The following DIP2B variants were observed in gnomAD, a reference collection of about 807,000 sequenced individuals.
DIP2B encodes disco-interacting protein 2 homolog B.
DIP2B carries 76 observed loss-of-function variants against 198.0 expected under a neutral mutation model. That is an observed-to-expected ratio of 0.38 (90% CI 0.32 to 0.46). The LOEUF (loss-of-function observed/expected upper bound fraction) is 0.46. Ranked by LOEUF, DIP2B falls within the 20% of genes least tolerant of loss-of-function variation. The probability of loss-of-function intolerance (pLI) is 0.99; values close to 1 mark genes in which losing one functional copy is unlikely to be tolerated. For synonymous variants in DIP2B, 701 were observed against 739.1 expected (o/e 0.95, Z 0.84); for missense variants, 1,559 against 1,978.4 (o/e 0.79, Z 4.02).
chr12:50,505,306 C>A, intron 1 of DIP2B, 66 bp downstream of exon 1: 1 of 1,297,354 alleles, frequency 7.7e-7, no homozygotes, highest in Non-Finnish European at 1.0e-6. Context: ...GGAGACAGGT[C>A]CCCGCCGCGC....
chr12:50,708,150 A>G (rs996716808), intron 21 of DIP2B, among the ~76,000 whole-genome samples: 4 of 151,870 alleles, frequency 2.6e-5, no homozygotes, highest in Admixed American at 6.6e-5. Flanking sequence ...GTATATTGCA[A>G]CATGGCATTA....
At chr12:50,554,038 AAG>A (rs780149148) in intron 1 of DIP2B, among the ~76,000 whole-genome samples, 12 of 152,264 alleles carry the variant, frequency 7.9e-5, no homozygotes, top group Non-Finnish European at 1.6e-4. Flanking sequence ...ACGTATTTGA[AAG>A]AGGCAAGTAA....
intron 1 of DIP2B, among the ~76,000 whole-genome samples, chr12:50,518,395 T>G (rs1958085235): frequency 6.6e-6 from 1 of 152,128 alleles, no homozygotes; most frequent in Non-Finnish European, 1.5e-5. Context: ...CGGCTAATTT[T>G]TGTATTTTAG....
intron 1 of DIP2B, among the ~76,000 whole-genome samples, chr12:50,551,486 C>T (rs66597435): frequency 0.27 from 41,405 of 151,872 alleles, 6,380 homozygotes; most frequent in Non-Finnish European, 0.35. Context: ...CTTTGTTTCC[C>T]GGGCTGGCGT....
chr12:50,741,246 C>T (rs1288329336), intron 36 of DIP2B, among the ~76,000 whole-genome samples, 170 bp from the exon 37 acceptor site: 1 of 152,224 alleles, frequency 6.6e-6, no homozygotes, highest in Non-Finnish European at 1.5e-5. Context: ...TTATTCCCAT[C>T]TCACAGAGGA....
intron 23 of DIP2B, among the ~76,000 whole-genome samples, chr12:50,715,685 A>G (rs1939701635): frequency 6.6e-6 from 1 of 152,220 alleles, no homozygotes. Context: ...GCCAGCAGGT[A>G]GGAGGAAAAG....
At chr12:50,624,439 TCTC>T (rs930096775) in intron 1 of DIP2B, among the ~76,000 whole-genome samples, 1 of 152,074 alleles carries the variant, frequency 6.6e-6, no homozygotes, top group African/African-American at 2.4e-5. Context: ...TTCAAGCAAT[TCTC>T]CTGCCTCAGT....
At chr12:50,636,041 A>G (rs1593675043) in intron 2 of DIP2B, among the ~76,000 whole-genome samples, 1 of 152,246 alleles carries the variant, frequency 6.6e-6, no homozygotes, top group East Asian at 1.9e-4. Context: ...TATTTACACT[A>G]TAGCAGGAGA....
intron 3 of DIP2B, among the ~76,000 whole-genome samples, chr12:50,641,762 ACTGGTAGATCC>A (rs1938260770): frequency 6.6e-6 from 1 of 152,174 alleles, no homozygotes; most frequent in South Asian, 2.1e-4. Flanking sequence ...CAGAGGAACG[ACTGGTAGATCC>A]CTAGAGCACG....
At chr12:50,693,063 G>A (rs767488251) in intron 14 of DIP2B, 50 bp downstream of exon 14, 5 of 1,532,924 alleles carry the variant, frequency 3.3e-6, no homozygotes, top group Non-Finnish European at 4.4e-6. Flanking sequence ...CTTGAGATAA[G>A]GCCAGCATGT....
In DIP2B at chr12:50,706,587, G is replaced by A. The variant is rs199646136; in HGVS notation, c.2456G>A (p.Ser819Asn). Residue 819 changes from serine to asparagine, a missense_variant, in exon 21 of 38, where the codon AGT becomes AAT. Ser to Asn is a conservative substitution (Grantham distance 46). Coordinates refer to ENST00000301180, the MANE Select transcript of DIP2B (RefSeq NM_173602.3). ...VGKMDGLLMV[S>N]GRRHNADDIV... is the part of the protein sequence containing the mutation. ...AAAATGGATGGCTTACTGATGGTTA[G>A]TGGTCGAAGACATAATGCTGATGAC... 1.2e-6 allele frequency: 2 copies of A among 1,614,134 alleles called. No individual in the cohort carries two copies. The highest frequency in any genetic ancestry group is 1.7e-6 in the Non-Finnish European group (2 of 1,179,990).
At chr12:50,604,374 G>C (rs1958964549) in intron 1 of DIP2B, among the ~76,000 whole-genome samples, 1 of 152,162 alleles carries the variant, frequency 6.6e-6, no homozygotes, top group Admixed American at 6.5e-5. Flanking sequence ...TACATGCACT[G>C]TGTACATTAT....
chr12:50,545,688 T>C (rs1447669735), intron 1 of DIP2B, among the ~76,000 whole-genome samples: 1 of 151,576 alleles, frequency 6.6e-6, no homozygotes, highest in Admixed American at 6.6e-5. Flanking sequence ...TTTTTTTTTT[T>C]TTCATAACGC....
At chr12:50,562,895 C>T (rs1484042233) in intron 1 of DIP2B, among the ~76,000 whole-genome samples, 1 of 152,038 alleles carries the variant, frequency 6.6e-6, no homozygotes, top group Non-Finnish European at 1.5e-5. Flanking sequence ...TTAGCTGTGT[C>T]AGTGCCAAAA....
At position 50,708,498 on chromosome 12, in the gene DIP2B, T is replaced by C; in HGVS notation, c.2585T>C (p.Val862Ala). 1 of 1,608,762 alleles carries C rather than the reference T, an allele frequency of 6.2e-7. No individual in the cohort carries two copies. Among genetic ancestry groups the C allele is most frequent in the South Asian group, 1.1e-5 (1 of 89,792 alleles). Residue 862 changes from valine (V) to alanine (A), a missense_variant, in exon 22 of 38, where the codon GTT becomes GCT. Physicochemically the swap from Val to Ala is moderately conservative, Grantham distance 64. Coordinates refer to ENST00000301180, the MANE Select transcript of DIP2B (RefSeq NM_173602.3). ...SVFYDERIVVVAEQRPDASEE... is the reference protein window; with the variant it reads ...SVFYDERIVVAAEQRPDASEE... ...TTTTATGATGAGCGCATTGTGGTGG[T>C]TGCGGAACAAAGACCTGATGCTTCT... is the stretch of plus-strand genomic sequence containing the variant.
chr12:50,571,547 C>CA (rs1297832039), intron 1 of DIP2B, among the ~76,000 whole-genome samples: 7 of 101,422 alleles, frequency 6.9e-5, no homozygotes, highest in Non-Finnish European at 9.4e-5. Context: ...GAAACCTAGG[C>CA]GTTTTTTTTT....
intron 1 of DIP2B, among the ~76,000 whole-genome samples, chr12:50,593,459 C>G (rs1051300813): frequency 6.6e-6 from 1 of 151,424 alleles, no homozygotes; most frequent in African/African-American, 2.4e-5. Flanking sequence ...GAGCTGAGAT[C>G]GCGCTGCTAC....
chr12:50,736,400 A>G (rs1267184593), intron 34 of DIP2B, among the ~76,000 whole-genome samples: 5 of 152,234 alleles, frequency 3.3e-5, no homozygotes, highest in Non-Finnish European at 7.3e-5. Context: ...TTAGAAACCC[A>G]AGATAAAAAG....
At chr12:50,594,809 T>C (rs1206007558) in intron 1 of DIP2B, among the ~76,000 whole-genome samples, 2 of 152,212 alleles carry the variant, frequency 1.3e-5, no homozygotes, top group Non-Finnish European at 1.5e-5. Flanking sequence ...GCGTTGCTAG[T>C]CTGTCTTGGT....
Sources: gnomAD v4.1 joint callset for allele counts (sites outside exome capture counted in the v4.1 genomes callset) on GRCh38, gnomAD v4.1.1 for gene constraint, MANE v1.5 for transcripts, NCBI Gene and HGNC (gene_info 2026-07-23, HGNC 2026-07-21) for gene names.